DNAAF11: variants seen among roughly 807,000 people sequenced by gnomAD.
DNAAF11 encodes leucine rich repeat containing 6.
DNAAF11 carries 45 observed loss-of-function variants against 60.8 expected under a neutral mutation model. The observed-to-expected ratio is 0.74, with a 90% CI of 0.58 to 0.95. The LOEUF (loss-of-function observed/expected upper bound fraction) is 0.95, where lower values mean the gene tolerates loss of function less well. DNAAF11 is among the 40% of genes least tolerant of loss of function. The probability of loss-of-function intolerance (pLI) is 0.00; values close to 1 mark genes in which losing one functional copy is unlikely to be tolerated. For missense variants in DNAAF11, 546 were observed against 546.2 expected, an observed-to-expected ratio of 1.00 and a Z score of 0.00; for synonymous variants, 191 against 183.5, an observed-to-expected ratio of 1.04 and a Z score of -0.33.
At chr8:132,596,645 C>T (rs76070892) in intron 10 of DNAAF11, among the ~76,000 whole-genome samples, 1,574 of 152,288 alleles carry the variant, frequency 0.01, 29 homozygotes, top group African/African-American at 0.036. Context: ...ACCTGAGGCT[C>T]CTCCCACTCA....
chr8:132,593,474 A>G (rs2131094565), intron 10 of DNAAF11, among the ~76,000 whole-genome samples: 1 of 150,822 alleles, frequency 6.6e-6, no homozygotes, highest in South Asian at 2.1e-4. Context: ...GGCAAACTTA[A>G]TAACGTTAAG....
chr8:132,585,702 T>C (rs1381429139), intron 10 of DNAAF11, among the ~76,000 whole-genome samples: 5 of 152,224 alleles, frequency 3.3e-5, no homozygotes, highest in Non-Finnish European at 5.9e-5. Flanking sequence ...ACTTCTTCAA[T>C]AGAAGGTGAC....
intron 7 of DNAAF11, among the ~76,000 whole-genome samples, chr8:132,617,432 G>A (rs982797215): frequency 6.6e-6 from 1 of 152,238 alleles, no homozygotes; most frequent in African/African-American, 2.4e-5. Context: ...GTTCACTCAT[G>A]ATTTGGCTCT....
the DNAAF11 span, among the ~76,000 whole-genome samples, chr8:132,684,238 T>C: frequency 6.6e-6 from 1 of 152,188 alleles, no homozygotes; most frequent in African/African-American, 2.4e-5. Flanking sequence ...TCCTGGAAGT[T>C]GTTACAGAAA....
intron 11 of DNAAF11, among the ~76,000 whole-genome samples, chr8:132,579,036 G>C (rs1815051283): frequency 6.6e-6 from 1 of 152,248 alleles, no homozygotes; most frequent in South Asian, 2.1e-4. Context: ...CAGTGGGGCA[G>C]AGGAAAACTG....
At chr8:132,582,059 C>T (rs1815398206) in intron 11 of DNAAF11, among the ~76,000 whole-genome samples, 1 of 152,190 alleles carries the variant, frequency 6.6e-6, no homozygotes, top group African/African-American at 2.4e-5. Flanking sequence ...CTCTTGTGGC[C>T]CTCCCGGTGG....
At chr8:132,572,912 C>T (rs6984896) in intron 11 of DNAAF11, among the ~76,000 whole-genome samples, 43,511 of 151,748 alleles carry the variant, frequency 0.29, 7,939 homozygotes, top group African/African-American at 0.51. Context: ...ATCTAACTTG[C>T]AGGGGTTTGG....
intron 2 of DNAAF11, 70 bp downstream of exon 2, chr8:132,661,390 C>T (rs1824114837): frequency 2.4e-6 from 3 of 1,264,028 alleles, no homozygotes; most frequent in East Asian, 2.4e-5. Context: ...CTAAAAATAA[C>T]ACAGCACTTT....
At chr8:132,588,196 G>A (rs187025565) in intron 10 of DNAAF11, among the ~76,000 whole-genome samples, 1 of 152,250 alleles carries the variant, frequency 6.6e-6, no homozygotes, top group East Asian at 1.9e-4. Context: ...AAATAAAAAT[G>A]AGCAAACAGT....
the DNAAF11 span, among the ~76,000 whole-genome samples, chr8:132,699,901 A>G: frequency 1.3e-5 from 2 of 152,168 alleles, no homozygotes; most frequent in Non-Finnish European, 2.9e-5. Context: ...AAATAAATCC[A>G]TAGACAGAAG....
the DNAAF11 span, chr8:132,687,434 G>T: frequency 1.2e-5 from 4 of 342,366 alleles, no homozygotes; most frequent in Admixed American, 1.2e-4. Flanking sequence ...TAATTATCCT[G>T]CTCTCCAGAG....
chr8:132,628,455 G>C (rs149500855), intron 5 of DNAAF11, among the ~76,000 whole-genome samples: 1 of 151,894 alleles, frequency 6.6e-6, no homozygotes, highest in Non-Finnish European at 1.5e-5. Flanking sequence ...TGTGAAGTGT[G>C]AGCTGTTTCC....
chr8:132,592,710 T>C (rs1816595409), intron 10 of DNAAF11, among the ~76,000 whole-genome samples: 1 of 152,070 alleles, frequency 6.6e-6, no homozygotes, highest in South Asian at 2.1e-4. Flanking sequence ...ATAATACCAT[T>C]GTAGTAATAA....
chr8:132,643,849 T>C (rs1195257972), intron 3 of DNAAF11, among the ~76,000 whole-genome samples: 2 of 152,162 alleles, frequency 1.3e-5, no homozygotes, highest in Non-Finnish European at 2.9e-5. Context: ...TCTGAGGGGA[T>C]TGACAAGGGA....
chr8:132,655,447 AAAAC>A (rs1279622571), intron 3 of DNAAF11, among the ~76,000 whole-genome samples: 3 of 152,156 alleles, frequency 2.0e-5, no homozygotes, highest in Non-Finnish European at 4.4e-5. Flanking sequence ...ACCTATAGGG[AAAAC>A]AAACAAACAA....
intron 10 of DNAAF11, among the ~76,000 whole-genome samples, chr8:132,595,346 GGGAAAAAAAAA>G (rs1184970596): frequency 1.2e-4 from 1 of 8,374 alleles, no homozygotes; most frequent in African/African-American, 6.5e-4. Flanking sequence ...AGAGACAGAG[GGGAAAAAAAAA>G]AAAAAAAAAA....
intron 9 of DNAAF11, among the ~76,000 whole-genome samples, chr8:132,611,054 C>T (rs1263758925): frequency 6.6e-6 from 1 of 152,158 alleles, no homozygotes; most frequent in African/African-American, 2.4e-5. Context: ...GCCACCATGC[C>T]TGGCTAATTT....
the DNAAF11 span, among the ~76,000 whole-genome samples, chr8:132,698,285 A>C: frequency 6.6e-6 from 1 of 152,192 alleles, no homozygotes; most frequent in Non-Finnish European, 1.5e-5. Flanking sequence ...TGTGCTAACG[A>C]GAAACCTGAA....
At chr8:132,629,011 C>A (rs993793696) in intron 5 of DNAAF11, among the ~76,000 whole-genome samples, 1 of 152,046 alleles carries the variant, frequency 6.6e-6, no homozygotes, top group Non-Finnish European at 1.5e-5. Context: ...TAAATATTAG[C>A]AAAATCAATG....
Sources: gnomAD v4.1 joint callset for allele counts (sites outside exome capture counted in the v4.1 genomes callset) on GRCh38, gnomAD v4.1.1 for gene constraint, MANE v1.5 for transcripts, NCBI Gene and HGNC (gene_info 2026-07-23, HGNC 2026-07-21) for gene names.